The following USH2A variants were observed in gnomAD, a reference collection of about 807,000 sequenced individuals.
USH2A encodes Usher syndrome 2A (autosomal recessive, mild).
USH2A carries 443 observed loss-of-function variants against 538.9 expected under a neutral mutation model. The observed-to-expected ratio is 0.82, with a 90% CI of 0.76 to 0.89. The LOEUF (loss-of-function observed/expected upper bound fraction) is 0.89, where lower values mean the gene tolerates loss of function less well. Ranked by LOEUF, USH2A falls within the 40% of genes least tolerant of loss-of-function variation. The probability of loss-of-function intolerance (pLI) is 0.00; values close to 1 mark genes in which losing one functional copy is unlikely to be tolerated. For missense variants in USH2A, 6,633 were observed against 6,324.8 expected (o/e 1.05, Z -1.65); for synonymous variants, 2,413 against 2,273.5 (o/e 1.06, Z -1.75).
At chr1:216,196,865 C>A in intron 18 of USH2A, 143 bp from the exon 19 acceptor site, 1 of 966,018 alleles carries the variant, frequency 1.0e-6, no homozygotes, top group Non-Finnish European at 1.6e-6. Context: ...CAAGAATATG[C>A]TGGTATATGT....
At chr1:215,929,534 A>G (rs1183108286) in intron 38 of USH2A, among the ~76,000 whole-genome samples, 1 of 152,072 alleles carries the variant, frequency 6.6e-6, no homozygotes, top group Non-Finnish European at 1.5e-5. Context: ...TCTGCAGTCT[A>G]TGTGAAAGAC....
chr1:215,777,128 T>C (rs1407945001), intron 55 of USH2A, among the ~76,000 whole-genome samples: 3 of 152,202 alleles, frequency 2.0e-5, no homozygotes, highest in Non-Finnish European at 4.4e-5. Context: ...GATTTTTTAC[T>C]GTTAAGTAAA....
At chr1:215,699,713 T>C (rs1558060243) in intron 61 of USH2A, among the ~76,000 whole-genome samples, 1 of 152,202 alleles carries the variant, frequency 6.6e-6, no homozygotes, top group Non-Finnish European at 1.5e-5. Context: ...TGGGCTAAGA[T>C]GATGGGGTTT....
chr1:216,005,782 T>TA (rs754984101), intron 32 of USH2A, among the ~76,000 whole-genome samples: 7 of 151,334 alleles, frequency 4.6e-5, no homozygotes, highest in Non-Finnish European at 7.4e-5. Context: ...AAAGAAACAA[T>TA]AAAAAAAATA....
chr1:216,289,149 T>G, intron 11 of USH2A, 131 bp downstream of exon 11: 1 of 1,361,304 alleles, frequency 7.3e-7, no homozygotes, highest in Admixed American at 1.8e-5. Flanking sequence ...AACAACCATC[T>G]CTTTGAAATG....
Position 215,881,567 on chromosome 1 carries a change from T to C in USH2A, c.8224-2469A>G, listed in dbSNP as rs371833767. 1.1e-4 allele frequency among the ~76,000 whole-genome samples: 16 copies of C among 152,254 alleles called. 1 individual carries two copies. In the East Asian group the frequency reaches 1.9e-3, roughly 18 times the overall value. ...AGATTAAAACTTTCAGTTTGTTTAA[T>C]TTCCTATGACCTTTTGTATATCCAT... On this transcript the variant is annotated intron_variant, in intron 41 of 71. Coordinates refer to ENST00000307340, the MANE Select transcript of USH2A (RefSeq NM_206933.4).
intron 3 of USH2A, among the ~76,000 whole-genome samples, chr1:216,410,708 T>C (rs1306062801): frequency 2.0e-5 from 3 of 152,180 alleles, no homozygotes; most frequent in Non-Finnish European, 4.4e-5. Flanking sequence ...GTATTTCTAT[T>C]TGAGAAAAAG....
At chr1:215,770,898 A>G (rs983020331) in intron 55 of USH2A, among the ~76,000 whole-genome samples, 1 of 138,688 alleles carries the variant, frequency 7.2e-6, no homozygotes, top group East Asian at 2.4e-4. Flanking sequence ...TGAGGTCAGG[A>G]GTTTGAGACC....
chr1:216,138,605 GACCTTTTTATTGACTTCA>G (rs1427959460), intron 21 of USH2A, among the ~76,000 whole-genome samples: 1 of 151,908 alleles, frequency 6.6e-6, no homozygotes, highest in Non-Finnish European at 1.5e-5. Flanking sequence ...GCTTTTTATT[GACCTTTTTATTGACTTCA>G]ACCTGATCAC....
intron 16 of USH2A, among the ~76,000 whole-genome samples, chr1:216,205,070 G>A (rs1030830859): frequency 7.2e-5 from 11 of 152,228 alleles, no homozygotes; most frequent in Admixed American, 2.6e-4. Flanking sequence ...CTATAAAATA[G>A]ATCACAATAT....
chr1:216,222,980 G>T, intron 14 of USH2A, among the ~76,000 whole-genome samples: 1 of 112,014 alleles, frequency 8.9e-6, no homozygotes, highest in South Asian at 3.1e-4. Flanking sequence ...CTCCATCTCA[G>T]AAAAAAAAAA....
At chr1:215,984,941 G>A (rs1049583489) in intron 35 of USH2A, among the ~76,000 whole-genome samples, 1 of 152,118 alleles carries the variant, frequency 6.6e-6, no homozygotes, top group African/African-American at 2.4e-5. Flanking sequence ...TCACATTGCG[G>A]GATAATGCCT....
At chr1:216,155,591 T>G (rs1188541764) in intron 21 of USH2A, among the ~76,000 whole-genome samples, 1 of 152,164 alleles carries the variant, frequency 6.6e-6, no homozygotes, top group Non-Finnish European at 1.5e-5. Context: ...CTAGCCCCTC[T>G]GCCCACTAAA....
rs74141561 is a variant in USH2A, at chr1:216,351,054, C to T, written c.784+13899G>A. ...TTAATGCTGCATGGAAGCTGCCCAT[C>T]GATTCATTTACTTGGAAAATATGTA... On this transcript the variant is annotated intron_variant, in intron 4 of 71. Coordinates refer to ENST00000307340, the MANE Select transcript of USH2A (RefSeq NM_206933.4). Among the ~76,000 whole-genome samples, 592 of 152,098 alleles carry T rather than the reference C, an allele frequency of 3.9e-3. 2 individuals are homozygous for T. Among genetic ancestry groups the T allele is most frequent in the African/African-American group, 0.014 (564 of 41,498 alleles).
At chr1:215,709,666 A>AC (rs1659282929) in intron 61 of USH2A, among the ~76,000 whole-genome samples, 1 of 149,116 alleles carries the variant, frequency 6.7e-6, no homozygotes, top group African/African-American at 2.4e-5. Flanking sequence ...AAAAAAAAAA[A>AC]AAAACTCATT....
chr1:215,956,331 C>A (rs1251682751), intron 37 of USH2A, among the ~76,000 whole-genome samples: 1 of 152,126 alleles, frequency 6.6e-6, no homozygotes, highest in African/African-American at 2.4e-5. Flanking sequence ...TATTAGAAAT[C>A]CCCCAAATCA....
rs753751814 is a variant in USH2A at position 215,993,136 on chromosome 1, T to C, written c.6689A>G (p.Glu2230Gly). Residue 2230 changes from glutamate to glycine, a missense_variant, in exon 35 of 72, where the codon GAG becomes GGG. Glu to Gly is a moderately conservative substitution (Grantham distance 98). Transcript: ENST00000307340. ...ACTGGGCTVSEASEALTDEDI... is the reference protein window; with the variant it reads ...ACTGGGCTVSGASEALTDEDI... Reference sequence around the variant, plus strand: ...CTCGTCAGTTAGGGCCTCACTGGCCTCACTCACTGTGCACCCACCACCTGT... The same window carrying C: ...CTCGTCAGTTAGGGCCTCACTGGCCCCACTCACTGTGCACCCACCACCTGT... 6.2e-7 allele frequency: 1 copy of C among 1,614,050 alleles called. No homozygotes were observed. Among genetic ancestry groups the C allele is most frequent in the Admixed American group, 1.7e-5 (1 of 60,008 alleles).
chr1:215,891,859 G>A (rs1205906283), intron 40 of USH2A, among the ~76,000 whole-genome samples: 7 of 152,120 alleles, frequency 4.6e-5, no homozygotes, highest in South Asian at 2.1e-4. Flanking sequence ...ACCTTACAGC[G>A]CTCTCCGTGG....
At chr1:216,346,138 T>A (rs2038172110) in intron 4 of USH2A, among the ~76,000 whole-genome samples, 3 of 152,208 alleles carry the variant, frequency 2.0e-5, no homozygotes, top group Non-Finnish European at 2.9e-5. Context: ...ACCTGGGAGG[T>A]TACCTTTGAT....
Sources: gnomAD v4.1 joint callset for allele counts (sites outside exome capture counted in the v4.1 genomes callset) on GRCh38, gnomAD v4.1.1 for gene constraint, MANE v1.5 for transcripts, NCBI Gene and HGNC (gene_info 2026-07-23, HGNC 2026-07-21) for gene names.